MAP3K12: variants seen among roughly 807,000 people sequenced by gnomAD.
The protein encoded by MAP3K12 is mitogen-activated protein kinase kinase kinase 12.
Under a neutral mutation model 87.5 loss-of-function variants are expected in MAP3K12, and 14 were observed. The observed-to-expected ratio is 0.16, with a 90% confidence interval of 0.11 to 0.25. The LOEUF (loss-of-function observed/expected upper bound fraction) is 0.25. MAP3K12 is among the 10% of genes least tolerant of loss of function. The probability of loss-of-function intolerance (pLI) is 1.00; values close to 1 mark genes in which losing one functional copy is unlikely to be tolerated. For missense variants in MAP3K12, 802 were observed against 1,140.4 expected, an observed-to-expected ratio of 0.70 and a Z score of 4.27; for synonymous variants, 469 against 452.5, an observed-to-expected ratio of 1.04 and a Z score of -0.46.
chr12:53,498,964 GT>G, intron 1 of MAP3K12, among the ~76,000 whole-genome samples: 2 of 54,934 alleles, frequency 3.6e-5, no homozygotes, highest in Admixed American at 1.8e-4. Context: ...GTGTGTGTGT[GT>G]GTGTGTGTGT....
intron 13 of MAP3K12, 51 bp downstream of exon 13, chr12:53,481,887 TCTG>T: frequency 6.3e-7 from 1 of 1,575,706 alleles, no homozygotes; most frequent in Non-Finnish European, 8.6e-7. Context: ...AGACAAGGCA[TCTG>T]CTTACAGCTC....
upstream of MAP3K12, chr12:53,500,964 C>CTGTA (rs1943673772): frequency 5.7e-6 from 1 of 176,238 alleles, no homozygotes; most frequent in Non-Finnish European, 1.2e-5. Context: ...CTCTTGGGTT[C>CTGTA]TGTAGTTTTC....
In MAP3K12 at chr12:53,482,202, C is replaced by T; in HGVS notation, c.2319G>A (p.Gln773=). The change falls in exon 13 of 14, where the codon CAG becomes CAA. Residue 773 remains glutamine, a synonymous_variant. Transcript: ENST00000547488. ...VELTSSQRWP[Q]SLNMRQSLST... The stretch of plus-strand genomic sequence containing the variant: ...ATAGTGACTGGCGCATGTTCAGGCT[C>T]TGAGGCCACCTACATGTTGAAGAGG... 6.2e-7 allele frequency: 1 copy of T among 1,614,166 alleles called. No individual in the cohort carries two copies. The highest frequency in any genetic ancestry group is 2.2e-5 in the East Asian group (1 of 44,882).
intron 1 of MAP3K12, among the ~76,000 whole-genome samples, chr12:53,491,733 G>A (rs1943413484): frequency 6.7e-6 from 1 of 149,834 alleles, no homozygotes; most frequent in African/African-American, 2.4e-5. Flanking sequence ...GCGCCCGGCA[G>A]GCATAGAGGT....
chr12:53,482,900 G>T lies in MAP3K12; in HGVS notation c.1903C>A (p.Leu635Met). ...PALRGLHHDL[L>M]LRKMSSSSPD... is the part of the protein sequence containing the mutation. ...GACGATGAAGACATTTTGCGGAGCAGGAGGTCATGATGAAGCCCACGGAGG... is the reference window on the plus strand; with the variant it reads ...GACGATGAAGACATTTTGCGGAGCATGAGGTCATGATGAAGCCCACGGAGG... Residue 635 changes from leucine (L) to methionine (M), a missense_variant, in exon 11 of 14, where the codon CTG becomes ATG. By Grantham distance (15) the Leu-to-Met change is conservative. Around this residue, in one of 5 missense-constraint regions of MAP3K12, gnomAD observed 490 missense variants for 496.6 expected, o/e 0.99. Transcript: ENST00000547488. The T allele has an allele frequency of 6.2e-7, 1 of 1,611,368 alleles. No homozygotes were observed.
chr12:53,482,770 C>G lies in MAP3K12; in HGVS notation c.2033G>C (p.Ser678Thr). Residue 678 changes from serine to threonine, a missense_variant, in exon 11 of 14, where the codon AGT (serine) becomes ACT (threonine). Ser to Thr is a moderately conservative substitution (Grantham distance 58). This residue lies in a region of MAP3K12 where 490 missense variants were observed against 496.6 expected (regional missense o/e 0.99). Transcript: ENST00000547488. ...GGTGGAGCCAGGGGCTGAGCCCTCA[C>G]TTGGTGGGGTGTCACCCCGGGCCGG... ...PPPARGDTPP[S>T]EGSAPGSTSP... 3.7e-6 allele frequency: 6 copies of G among 1,613,772 alleles called. No homozygotes were observed. Among genetic ancestry groups the G allele is most frequent in the Non-Finnish European group, 5.1e-6 (6 of 1,179,774 alleles).
In MAP3K12 at chr12:53,481,172, C is replaced by T. The variant is rs756507701; in HGVS notation, c.*10G>A. 13 of 1,459,558 alleles carry T rather than the reference C, an allele frequency of 8.9e-6. No homozygotes were observed. The highest frequency in any genetic ancestry group is 2.9e-5 in the African/African-American group (2 of 68,410). The allele number at this position is 1,459,558 out of a possible 1,614,324, so 90.4% of individuals were successfully genotyped here. Reference sequence around the variant, plus strand: ...AATATTTCTCTATGTACAAGGAATACGAGTGGCTTTCATGGAGGGAGGGAA... The same window carrying T: ...AATATTTCTCTATGTACAAGGAATATGAGTGGCTTTCATGGAGGGAGGGAA... On this transcript the variant is annotated 3_prime_UTR_variant, in exon 14 of 14. Coordinates refer to ENST00000547488, the MANE Select transcript of MAP3K12 (RefSeq NM_001193511.2).
In MAP3K12 at chr12:53,480,873, TAAA is replaced by T. The variant is rs1943006820; in HGVS notation, c.*306_*308del. On this transcript the variant is annotated 3_prime_UTR_variant, in exon 14 of 14. Transcript: ENST00000547488. ...CCCCCCACCCCCTATTATTTGGGGA[TAAA>T]GAATATAAAGACAACCCTGGCTTTT... is the stretch of plus-strand genomic sequence containing the variant. The T allele has an allele frequency of 6.7e-6, 1 of 148,678 alleles. No homozygotes were observed. The highest frequency in any genetic ancestry group is 1.5e-5 in the Non-Finnish European group (1 of 67,150). The allele number at this position is 148,678 out of a possible 1,614,324, so 9.2% of individuals were successfully genotyped here. A position where few individuals can be genotyped will look rare whatever the true frequency, so the allele number is the denominator to read the frequency against.
At position 53,486,136 on chromosome 12, in the gene MAP3K12, A is replaced by C. The variant is rs2137194442; in HGVS notation, c.741T>G (p.Val247=). The C allele has an allele frequency of 1.2e-6, 2 of 1,614,160 alleles. No homozygotes were observed. The highest frequency in any genetic ancestry group is 1.3e-5 in the African/African-American group (1 of 75,048). ...AGRPVTPSLL[V]DWSMGIAGGM... is the part of the protein sequence containing the mutation. ...CACCAGCGATGCCCATGGACCAGTC[A>C]ACCAGTAAGGAGGGGGTGACAGGGC... Residue 247 remains valine, a synonymous_variant, in exon 4 of 14, where the codon GTT becomes GTG. Transcript: ENST00000547488. The surrounding 1 kb of genome is among the most constrained non-coding windows in gnomAD (Gnocchi z 4.9).
At position 53,487,219 on chromosome 12, in the gene MAP3K12, T is replaced by C. The variant is rs1220026812; in HGVS notation, c.173A>G (p.Gln58Arg). 6.2e-7 allele frequency: 1 copy of C among 1,611,468 alleles called. No homozygotes were observed. The highest frequency in any genetic ancestry group is 8.5e-7 in the Non-Finnish European group (1 of 1,178,286). Residue 58 changes from glutamine to arginine, a missense_variant, in exon 2 of 14, where the codon CAG (glutamine) becomes CGG (arginine). Physicochemically the swap from Gln to Arg is conservative, Grantham distance 43. Transcript: ENST00000547488. ...VLRDVVPLGG[Q>R]GGGGPSPSPG... ...GGAGGGGCTGGGCCCTCCCCCACCC[T>C]GCCCACCAAGGGGTACCACATCTCG...
intron 1 of MAP3K12, among the ~76,000 whole-genome samples, chr12:53,488,701 C>A (rs1212420761): frequency 6.6e-6 from 1 of 151,838 alleles, no homozygotes; most frequent in African/African-American, 2.4e-5. Flanking sequence ...CATTAAAAAA[C>A]CTGAATCTGG....
In MAP3K12 at chr12:53,483,219, G is replaced by T. The variant is rs748189303; in HGVS notation, c.1614-30C>A. ...AAGAAGAGGAAAAGTAAAAGGTTAA[G>T]ACTGCCAAATCTATGTACTCAAAGC... On this transcript the variant is annotated intron_variant, in intron 10 of 13. Coordinates refer to ENST00000547488, the MANE Select transcript of MAP3K12 (RefSeq NM_001193511.2). The T allele has an allele frequency of 2.0e-6, 3 of 1,533,498 alleles. No homozygotes were observed. In the Admixed American group the frequency reaches 6.4e-5, roughly 33 times the overall value. The allele number at this position is 1,533,498 out of a possible 1,614,324, so 95.0% of individuals were successfully genotyped here. A position where few individuals can be genotyped will look rare whatever the true frequency, so the allele number is the denominator to read the frequency against.
At chr12:53,496,172 C>T (rs1362951532) in intron 1 of MAP3K12, among the ~76,000 whole-genome samples, 1 of 152,112 alleles carries the variant, frequency 6.6e-6, no homozygotes, top group Non-Finnish European at 1.5e-5. Context: ...AGGCTGAAGA[C>T]TTGGTCTCTG....
At chr12:53,491,849 G>T (rs1200859186) in intron 1 of MAP3K12, among the ~76,000 whole-genome samples, 1 of 151,520 alleles carries the variant, frequency 6.6e-6, no homozygotes, top group Non-Finnish European at 1.5e-5. Flanking sequence ...CGAGGTGGGC[G>T]GATCGCTTGA....
At position 53,481,858 on chromosome 12, in the gene MAP3K12, C is replaced by CT. The variant is rs564310569; in HGVS notation, c.2580+82dup. The CT allele has an allele frequency of 7.2e-6, 11 of 1,520,048 alleles. No homozygotes were observed. The East Asian group carries it at 2.3e-4, about 31-fold the overall frequency. 94.2% of individuals were successfully genotyped at this position (1,520,048 alleles called of 1,614,324 possible). A position where few individuals can be genotyped will look rare whatever the true frequency, so the allele number is the denominator to read the frequency against. On this transcript the variant is annotated intron_variant, in intron 13 of 13. Coordinates refer to ENST00000547488, the MANE Select transcript of MAP3K12 (RefSeq NM_001193511.2). Reference sequence around the variant, plus strand: ...GGTACTTTCTGGCCTGTGCAGCTGTCTCCCCAAAAGCTGTTAAAAGACAAG... The same window carrying CT: ...GGTACTTTCTGGCCTGTGCAGCTGTCTTCCCCAAAAGCTGTTAAAAGACAAG...
At chr12:53,494,728 T>C (rs1943504293) in intron 1 of MAP3K12, among the ~76,000 whole-genome samples, 1 of 152,070 alleles carries the variant, frequency 6.6e-6, no homozygotes, top group Non-Finnish European at 1.5e-5. Flanking sequence ...TGATTCCCTT[T>C]CTCTCGTGAG....
At chr12:53,491,301 A>AAAAAAAAAAGAAAAAG (rs796169121) in intron 1 of MAP3K12, among the ~76,000 whole-genome samples, 2 of 101,568 alleles carry the variant, frequency 2.0e-5, no homozygotes, top group African/African-American at 3.8e-5. Context: ...AAAAAAAAAA[A>AAAAAAAAAAGAAAAAG]AAAAGAAAAG....
chr12:53,491,301 A>AAAAAAAAAAAAAAAAAAAAAAAAAAAG (rs796169121), intron 1 of MAP3K12, among the ~76,000 whole-genome samples: 6 of 101,550 alleles, frequency 5.9e-5, no homozygotes, highest in African/African-American at 1.1e-4. Flanking sequence ...AAAAAAAAAA[A>AAAAAAAAAAAAAAAAAAAAAAAAAAAG]AAAAGAAAAG....
chr12:53,487,160 T>C lies in MAP3K12; in HGVS notation c.232A>G (p.Asn78Asp), dbSNP rs1490780195. Residue 78 changes from asparagine (N) to aspartate (D), a missense_variant, in exon 2 of 14, where the codon AAC (asparagine) becomes GAC (aspartate). Asn to Asp is a conservative substitution (Grantham distance 23). Around this residue, in one of 5 missense-constraint regions of MAP3K12, gnomAD observed 135 missense variants for 151.6 expected, o/e 0.89. Transcript: ENST00000547488. ...GGEPPPEPFA[N>D]SVLQLHEQDA... ...TGCTCATGTAGCTGCAGGACACTGT[T>C]GGCAAAAGGCTCAGGGGGCGGCTCT... 1.2e-6 allele frequency: 2 copies of C among 1,613,994 alleles called. No homozygotes were observed. Among genetic ancestry groups the C allele is most frequent in the Non-Finnish European group, 1.7e-6 (2 of 1,179,984 alleles).
Sources: allele counts gnomAD v4.1 joint callset (sites outside exome capture counted in the v4.1 genomes callset), GRCh38; gene constraint gnomAD v4.1.1; regional missense constraint gnomAD v4.1.1; non-coding constraint Gnocchi (gnomAD v3.1); transcripts MANE v1.5; gene names NCBI Gene and HGNC (gene_info 2026-07-23, HGNC 2026-07-21).